The following BLTP2 variants were observed in gnomAD, a reference collection of about 807,000 sequenced individuals.
The protein encoded by BLTP2 is U937-associated antigen.
At chr17:28,634,499 A>G in the BLTP2 span, 2 of 1,598,774 alleles carry the variant, frequency 1.3e-6, no homozygotes, top group South Asian at 2.2e-5. Flanking sequence ...GTCTGCAAAT[A>G]AAGGAAACAC....
At chr17:28,639,924 A>C in the BLTP2 span, 2 of 1,614,044 alleles carry the variant, frequency 1.2e-6, no homozygotes, top group Non-Finnish European at 1.7e-6. Flanking sequence ...TTCAGTGCTC[A>C]TCTGTGCCAT....
the BLTP2 span, chr17:28,636,931 C>G: frequency 1.3e-6 from 2 of 1,573,014 alleles, no homozygotes; most frequent in Non-Finnish European, 8.7e-7. Flanking sequence ...GAGGAAAAAA[C>G]CAGCCTGGCC....
the BLTP2 span, chr17:28,617,096 ACTG>A: frequency 1.7e-6 from 2 of 1,160,982 alleles, no homozygotes; most frequent in Non-Finnish European, 2.5e-6. Context: ...AAGCAATGGT[ACTG>A]CTAAGCTGGG....
At chr17:28,620,570 T>G in the BLTP2 span, 1 of 1,614,212 alleles carries the variant, frequency 6.2e-7, no homozygotes, top group Non-Finnish European at 8.5e-7. Context: ...CATGGCATAC[T>G]GAGCTGGGTT....
chr17:28,622,751 T>G, the BLTP2 span, among the ~76,000 whole-genome samples: 1 of 152,230 alleles, frequency 6.6e-6, no homozygotes, highest in Admixed American at 6.5e-5. Context: ...CCCTTGTTTC[T>G]GCCAACTGCT....
the BLTP2 span, among the ~76,000 whole-genome samples, chr17:28,636,286 CCCT>C: frequency 4.6e-5 from 7 of 152,200 alleles, no homozygotes; most frequent in African/African-American, 1.7e-4. Context: ...TAACGCCCCA[CCCT>C]CCTCCTAAGA....
chr17:28,633,180 C>T, the BLTP2 span: 15 of 1,587,712 alleles, frequency 9.4e-6, no homozygotes, highest in Non-Finnish European at 1.3e-5. Flanking sequence ...ACAATGGAAC[C>T]CCAGCCCTCA....
chr17:28,614,949 A>T, the BLTP2 span: 9 of 951,120 alleles, frequency 9.5e-6, no homozygotes, highest in Non-Finnish European at 1.4e-5. Flanking sequence ...AGTGATGCCT[A>T]TGGGCTCTGA....
the BLTP2 span, chr17:28,639,998 C>T: frequency 1.2e-6 from 2 of 1,613,856 alleles, no homozygotes; most frequent in Admixed American, 1.7e-5. Flanking sequence ...ACAGGAACTG[C>T]AGCAGCTTCA....
the BLTP2 span, chr17:28,633,763 G>A: frequency 2.1e-5 from 34 of 1,611,924 alleles, no homozygotes; most frequent in East Asian, 5.1e-4. Context: ...TGGGGTAGAG[G>A]AACAAAGGCT....
chr17:28,624,433 G>A, the BLTP2 span: 95 of 1,575,760 alleles, frequency 6.0e-5, no homozygotes, highest in Non-Finnish European at 7.8e-5. Flanking sequence ...CAGTCTCAAA[G>A]GGAAAGACTT....
chr17:28,638,342 C>T, the BLTP2 span: 36 of 1,613,970 alleles, frequency 2.2e-5, no homozygotes, highest in Non-Finnish European at 2.9e-5. Context: ...AGTCACTGCC[C>T]ACACGCCAGC....
chr17:28,628,619 C>A, the BLTP2 span: 1 of 1,445,064 alleles, frequency 6.9e-7, no homozygotes, highest in Non-Finnish European at 9.6e-7. Context: ...GCCACAGAGG[C>A]AGTGATAAAA....
At chr17:28,621,583 A>G in the BLTP2 span, 6 of 943,152 alleles carry the variant, frequency 6.4e-6, no homozygotes, top group Non-Finnish European at 1.0e-5. Context: ...TCCATGTTTC[A>G]AGTAGTTACA....
At chr17:28,635,778 T>G in the BLTP2 span, 1 of 640,416 alleles carries the variant, frequency 1.6e-6, no homozygotes, top group Non-Finnish European at 2.6e-6. Flanking sequence ...AGCACTAATG[T>G]GCTGAGCTGA....
At chr17:28,621,631 A>G in the BLTP2 span, 2 of 672,440 alleles carry the variant, frequency 3.0e-6, no homozygotes, top group Non-Finnish European at 5.4e-6. Flanking sequence ...AATAGCTTGA[A>G]CCATATCTCC....
At chr17:28,632,840 C>CAGA in the BLTP2 span, 1 of 844,664 alleles carries the variant, frequency 1.2e-6, no homozygotes, top group Non-Finnish European at 1.8e-6. Context: ...CCTTGCCCTT[C>CAGA]TCCCCTCCCC....
chr17:28,638,551 C>T, the BLTP2 span: 3 of 1,612,614 alleles, frequency 1.9e-6, no homozygotes, highest in Admixed American at 3.3e-5. Context: ...AATCCCAAGG[C>T]AAAAGGTGGT....
the BLTP2 span, chr17:28,633,898 G>T: frequency 1.1e-5 from 17 of 1,613,936 alleles, no homozygotes; most frequent in Non-Finnish European, 1.4e-5. Flanking sequence ...TACTCACAGT[G>T]AAAGTCATGG....
Sources: gnomAD v4.1 joint callset for allele counts (sites outside exome capture counted in the v4.1 genomes callset) on GRCh38, gnomAD v4.1.1 for gene constraint, MANE v1.5 for transcripts, NCBI Gene and HGNC (gene_info 2026-07-23, HGNC 2026-07-21) for gene names.